The following ATXN3 variants were observed in gnomAD, a reference collection of about 807,000 sequenced individuals.
ATXN3 encodes the protein ataxin-3.
In ATXN3, 28 loss-of-function variants were observed where a neutral mutation model predicts 58.2. The observed-to-expected ratio is 0.48, with a 90% CI of 0.36 to 0.66. ATXN3 has a LOEUF of 0.66. Among genes scored for constraint, ATXN3 ranks in the 30% least tolerant of loss-of-function variants. The probability of loss-of-function intolerance (pLI) is 0.00; values close to 1 mark genes in which losing one functional copy is unlikely to be tolerated. For missense variants in ATXN3, 321 were observed against 422.1 expected, an observed-to-expected ratio of 0.76 and a Z score of 2.10; for synonymous variants, 113 against 138.5, an observed-to-expected ratio of 0.82 and a Z score of 1.29.
In ATXN3 at chr14:92,059,827, A is replaced by G. The variant is rs2057628388; in HGVS notation, c.*4493T>C. 1 of 143,432 alleles carries G rather than the reference A, an allele frequency of 7.0e-6. No homozygotes were observed. The allele number at this position is 143,432 out of a possible 1,614,324, so 8.9% of individuals were successfully genotyped here. A position where few individuals can be genotyped will look rare whatever the true frequency, so the allele number is the denominator to read the frequency against. ...AGCTAGACTCCGTCTCAGAAAAAAA[A>G]AAAAAGAAAGAAAGAAAGAAAGAAA... On this transcript the variant is annotated 3_prime_UTR_variant, in exon 11 of 11. Transcript: ENST00000644486.
Position 92,063,700 on chromosome 14 carries a change from A to G in ATXN3, c.*620T>C, listed in dbSNP as rs2057938493. On this transcript the variant is annotated 3_prime_UTR_variant, in exon 11 of 11. Transcript: ENST00000644486. ...GGGCTTAAAACGCTAAACCTCAGAAAAGATTACCATCTTTCAAAAGAATTG... is the reference window on the plus strand; with the variant it reads ...GGGCTTAAAACGCTAAACCTCAGAAGAGATTACCATCTTTCAAAAGAATTG... 6.6e-6 allele frequency: 1 copy of G among 152,256 alleles called. No homozygotes were observed. The highest frequency in any genetic ancestry group is 1.5e-5 in the Non-Finnish European group (1 of 68,046). 9.4% of individuals were successfully genotyped at this position (152,256 alleles called of 1,614,324 possible).
chr14:92,065,904 T>A (rs2058312491), intron 10 of ATXN3, among the ~76,000 whole-genome samples: 2 of 151,982 alleles, frequency 1.3e-5, no homozygotes. Flanking sequence ...ATAATAATGA[T>A]CTTCCAAATA....
rs1369875142 is a variant in ATXN3, at chr14:92,081,044, A to G, written c.793T>C (p.Ser265Pro). ...CCTGATGTCTGTGTCATATCTTGAG[A>G]TATGTTTCTGGAACTACCTGAAAAC... Reference protein sequence around the residue: ...LSMQGSSRNISQDMTQTSGTN... With the variant: ...LSMQGSSRNIPQDMTQTSGTN... The change falls in exon 9 of 11, where the codon TCT (serine) becomes CCT (proline). Residue 265 changes from serine to proline, a missense_variant. Physicochemically the swap from Ser to Pro is moderately conservative, Grantham distance 74. Coordinates refer to ENST00000644486, the MANE Select transcript of ATXN3 (RefSeq NM_004993.6). 1 of 1,610,340 alleles carries G rather than the reference A, an allele frequency of 6.2e-7. No individual in the cohort carries two copies. Among genetic ancestry groups the G allele is most frequent in the Non-Finnish European group, 8.5e-7 (1 of 1,177,422 alleles).
chr14:92,049,676 C>T lies in ATXN3; in HGVS notation n.111G>A, dbSNP rs186565156. 287 of 175,798 alleles carry T rather than the reference C, an allele frequency of 1.6e-3. 2 individuals are homozygous for T. Among genetic ancestry groups the T allele is most frequent in the African/African-American group, 6.2e-3 (260 of 41,902 alleles). 10.9% of individuals were successfully genotyped at this position (175,798 alleles called of 1,614,324 possible). The stretch of plus-strand genomic sequence containing the variant: ...CCGAGGTCGTAGGTGGATCTCCTCA[C>T]GGAGTGAGGGCAAGGACAGGGGACC... On this transcript the variant is annotated non_coding_transcript_exon_variant, in exon 1 of 3. Coordinates refer to the ATXN3 transcript ENST00000564606.
At position 92,061,113 on chromosome 14, in the gene ATXN3, T is replaced by C. The variant is rs1231338404; in HGVS notation, c.*3207A>G. 6.6e-6 allele frequency: 1 copy of C among 152,232 alleles called. No homozygotes were observed. The highest frequency in any genetic ancestry group is 6.5e-5 in the Admixed American group (1 of 15,282). The allele number at this position is 152,232 out of a possible 1,614,324, so 9.4% of individuals were successfully genotyped here. On this transcript the variant is annotated 3_prime_UTR_variant, in exon 11 of 11. Coordinates refer to ENST00000644486, the MANE Select transcript of ATXN3 (RefSeq NM_004993.6). ...TAGGCTCTGACTGAAATAAAATTTA[T>C]TTTATTCAACTTAATATTAAACAAT...
intron 1 of ATXN3, among the ~76,000 whole-genome samples, chr14:92,098,676 T>G (rs1276502708): frequency 6.6e-6 from 1 of 152,220 alleles, no homozygotes. Context: ...TGAGAAAAAT[T>G]CTGTTCCATG....
At chr14:92,065,900 A>ATAATAG (rs1420545967) in intron 10 of ATXN3, among the ~76,000 whole-genome samples, 2 of 152,018 alleles carry the variant, frequency 1.3e-5, no homozygotes, top group African/African-American at 4.8e-5. Flanking sequence ...AATAATAATA[A>ATAATAG]TGATCTTCCA....
At chr14:92,051,927 A>G (rs2057450179), upstream of ATXN3, among the ~76,000 whole-genome samples, 1 of 150,044 alleles carries the variant, frequency 6.7e-6, no homozygotes, top group Non-Finnish European at 1.5e-5. Flanking sequence ...GGGGTTTCAC[A>G]TGTTGGTCAG....
chr14:92,083,672 C>T (rs901915574), intron 6 of ATXN3, among the ~76,000 whole-genome samples: 7 of 152,160 alleles, frequency 4.6e-5, no homozygotes, highest in Admixed American at 4.6e-4. Flanking sequence ...TTGGTTTCTA[C>T]TGTTAAACAT....
At chr14:92,067,800 G>A (rs1196941189) in intron 10 of ATXN3, among the ~76,000 whole-genome samples, 1 of 152,198 alleles carries the variant, frequency 6.6e-6, no homozygotes. Context: ...ACACAGCACT[G>A]GCAACAGGGA....
At chr14:92,091,664 ACATATAAT>A (rs1455588952) in intron 5 of ATXN3, among the ~76,000 whole-genome samples, 1 of 148,580 alleles carries the variant, frequency 6.7e-6, no homozygotes, top group Non-Finnish European at 1.5e-5. Context: ...GGTATAAGTG[ACATATAAT>A]AAACTGCACA....
chr14:92,102,947 G>A (rs2067182665), intron 1 of ATXN3, among the ~76,000 whole-genome samples: 1 of 152,158 alleles, frequency 6.6e-6, no homozygotes, highest in South Asian at 2.1e-4. Context: ...TCACAAAAGG[G>A]CATAATGAAT....
chr14:92,083,190 T>C lies in ATXN3; in HGVS notation c.544A>G (p.Arg182Gly). The C allele has an allele frequency of 6.2e-7, 1 of 1,613,936 alleles. No individual in the cohort carries two copies. Among genetic ancestry groups the C allele is most frequent in the Non-Finnish European group, 8.5e-7 (1 of 1,179,968 alleles). ...TTTGGTCGATGCATCTGTTGGACCC[T>C]AATCATCTGCAGGAGTTGGTCAGCT... Reference protein sequence around the residue: ...CEADQLLQMIRVQQMHRPKLI... With the variant: ...CEADQLLQMIGVQQMHRPKLI... Residue 182 changes from arginine to glycine, a missense_variant, in exon 7 of 11, where the codon AGG (arginine) becomes GGG (glycine). Physicochemically the swap from Arg to Gly is moderately radical, Grantham distance 125. Transcript: ENST00000644486.
chr14:92,080,899 A>G, intron 9 of ATXN3, 66 bp downstream of exon 9: 1 of 1,264,572 alleles, frequency 7.9e-7, no homozygotes, highest in Non-Finnish European at 1.1e-6. Context: ...GTAACCATTT[A>G]CAAATAGACA....
intron 10 of ATXN3, among the ~76,000 whole-genome samples, chr14:92,067,825 C>G (rs2058710097): frequency 6.6e-6 from 1 of 152,228 alleles, no homozygotes; most frequent in African/African-American, 2.4e-5. Context: ...GGAGTGCCAC[C>G]TCGCTACAAC....
chr14:92,093,905 T>G, intron 3 of ATXN3, 74 bp from the exon 4 acceptor site: 1 of 892,650 alleles, frequency 1.1e-6, no homozygotes. Flanking sequence ...GCTATGTTAG[T>G]TGTGTACTTC....
chr14:92,092,981 G>A (rs1419011095), intron 5 of ATXN3, among the ~76,000 whole-genome samples: 1 of 150,626 alleles, frequency 6.6e-6, no homozygotes, highest in African/African-American at 2.4e-5. Flanking sequence ...TTCTGACTCA[G>A]CCTTCCAAGT....
chr14:92,105,987 C>T (rs1005699898), intron 1 of ATXN3, among the ~76,000 whole-genome samples: 1 of 152,176 alleles, frequency 6.6e-6, no homozygotes, highest in African/African-American at 2.4e-5. Flanking sequence ...GAGCCAAGGT[C>T]TCCTCCCTCG....
At chr14:92,091,052 TG>T (rs1183576771) in intron 5 of ATXN3, among the ~76,000 whole-genome samples, 3 of 150,120 alleles carry the variant, frequency 2.0e-5, no homozygotes, top group African/African-American at 7.4e-5. Flanking sequence ...CCTAAAGTGC[TG>T]GGATTACAGG....
Sources: allele counts gnomAD v4.1 joint callset (sites outside exome capture counted in the v4.1 genomes callset), GRCh38; gene constraint gnomAD v4.1.1; transcripts MANE v1.5; gene names NCBI Gene and HGNC (gene_info 2026-07-23, HGNC 2026-07-21).